The following APC variants were observed in gnomAD, a reference collection of about 807,000 sequenced individuals.
APC encodes adenomatous polyposis coli protein.
In APC, 72 loss-of-function variants were observed where a neutral mutation model predicts 247.0. The ratio of observed to expected loss-of-function variants is 0.29; its 90% CI spans 0.24 to 0.35. The LOEUF is 0.35. Ranked by LOEUF, APC falls within the 10% of genes least tolerant of loss-of-function variation. The pLI, the probability that APC is intolerant of heterozygous loss-of-function variation, is 1.00. For synonymous variants in APC, 1,254 were observed against 1,162.5 expected, an observed-to-expected ratio of 1.08 and a Z score of -1.60; for missense variants, 3,400 against 3,360.7, an observed-to-expected ratio of 1.01 and a Z score of -0.29.
chr5:112,718,492 C>A (rs1466149349), intron 1 of APC, among the ~76,000 whole-genome samples: 1 of 152,220 alleles, frequency 6.6e-6, no homozygotes, highest in Non-Finnish European at 1.5e-5. Flanking sequence ...ATGCTGTTTT[C>A]ACTGCAGTCC....
intron 8 of APC, among the ~76,000 whole-genome samples, chr5:112,809,257 T>G (rs395266): frequency 6.6e-6 from 1 of 151,132 alleles, no homozygotes; most frequent in Non-Finnish European, 1.5e-5. Context: ...ACTTGGGAGG[T>G]TGAGGTGGCT....
chr5:112,719,603 C>A (rs1334812299), intron 1 of APC, among the ~76,000 whole-genome samples: 1 of 149,160 alleles, frequency 6.7e-6, no homozygotes, highest in Non-Finnish European at 1.5e-5. Flanking sequence ...GGCGTGATCT[C>A]CACTCACTGC....
Position 112,839,289 on chromosome 5 carries a change from A to T in APC, c.3695A>T (p.His1232Leu), listed in dbSNP as rs1554085236. The change falls in exon 16 of 16, where the codon CAT (histidine) becomes CTT (leucine). Residue 1232 changes from histidine (H) to leucine (L), a missense_variant. Around this residue, in one of 9 missense-constraint regions of APC, gnomAD observed 715 missense variants for 656.6 expected, o/e 1.09. Transcript: ENST00000257430. The surrounding 1 kb of genome is among the most constrained non-coding windows in gnomAD (Gnocchi z 5.0). ...SSNAKRQNQLHPSSAQSRSGQ... is the reference protein window; with the variant it reads ...SSNAKRQNQLLPSSAQSRSGQ... The stretch of plus-strand genomic sequence containing the variant: ...AATGCCAAGAGGCAGAATCAGCTCC[A>T]TCCAAGTTCTGCACAGAGTAGAAGT... 2 of 1,614,170 alleles carry T rather than the reference A, an allele frequency of 1.2e-6. No individual in the cohort carries two copies. The highest frequency in any genetic ancestry group is 1.7e-6 in the Non-Finnish European group (2 of 1,180,040).
At chr5:112,769,070 TG>T (rs1489011850) in intron 4 of APC, among the ~76,000 whole-genome samples, 2 of 145,644 alleles carry the variant, frequency 1.4e-5, no homozygotes, top group African/African-American at 2.6e-5. Context: ...TTTTTTTTTT[TG>T]AGATAAGAGT....
At chr5:112,769,098 C>G in intron 4 of APC, among the ~76,000 whole-genome samples, 1 of 120,992 alleles carries the variant, frequency 8.3e-6, no homozygotes. Flanking sequence ...GTCGCCCAGG[C>G]TAGAGTGCAG....
intron 5 of APC, among the ~76,000 whole-genome samples, chr5:112,780,262 T>C (rs1188993240): frequency 6.6e-6 from 1 of 152,214 alleles, no homozygotes; most frequent in South Asian, 2.1e-4. Context: ...TATGATTATC[T>C]TTCTTACATG....
chr5:112,828,215 A>G (rs1580570784), intron 13 of APC, among the ~76,000 whole-genome samples: 1 of 151,868 alleles, frequency 6.6e-6, no homozygotes, highest in Non-Finnish European at 1.5e-5. Flanking sequence ...TGTATTTTTT[A>G]TAGAGACGGG....
Position 112,800,507 on chromosome 5 carries a change from A to G in APC, c.730-772A>G, listed in dbSNP as rs511906. The stretch of plus-strand genomic sequence containing the variant: ...AAATTACGTTAGGAATCATTTTGTA[A>G]TTTAATTATCCACTGTTAGGTCAGA... On this transcript the variant is annotated intron_variant, in intron 7 of 15. Transcript: ENST00000257430. Among the ~76,000 whole-genome samples the G allele has an allele frequency of 0.4, 60,090 of 152,022 alleles. 14,364 individuals are homozygous for G. Among genetic ancestry groups the G allele is most frequent in the East Asian group, 0.69 (3,555 of 5,172 alleles).
intron 9 of APC, among the ~76,000 whole-genome samples, chr5:112,818,668 G>A (rs1482125982): frequency 6.6e-6 from 1 of 152,032 alleles, no homozygotes; most frequent in East Asian, 1.9e-4. Context: ...ACTTATCTAG[G>A]CAAACAGCAC....
rs1762844018 is a variant in APC, at chr5:112,819,178, G to A, written c.1146G>A (p.Arg382=). Residue 382 remains arginine (R), a synonymous_variant, in exon 10 of 16, where the codon AGG becomes AGA. Coordinates refer to ENST00000257430, the MANE Select transcript of APC (RefSeq NM_000038.6). ...GGGGCAGTAAAGAGGCTCGGGCCAG[G>A]GCCAGTGCAGCACTCCACAACATCA... ...NSRGSKEARA[R]ASAALHNIIH... 2 of 1,613,984 alleles carry A rather than the reference G, an allele frequency of 1.2e-6. No individual in the cohort carries two copies. Among genetic ancestry groups the A allele is most frequent in the Non-Finnish European group, 1.7e-6 (2 of 1,179,984 alleles).
At chr5:112,729,530 T>G (rs187516942) in intron 1 of APC, among the ~76,000 whole-genome samples, 14 of 152,160 alleles carry the variant, frequency 9.2e-5, no homozygotes, top group African/African-American at 3.1e-4. Flanking sequence ...AAGAAAGAGG[T>G]AGGTGAGGAA....
In APC at chr5:112,827,264, T is replaced by C. The variant is rs367690523; in HGVS notation, c.1548+17T>C. On this transcript the variant is annotated intron_variant, in intron 12 of 15. Coordinates refer to ENST00000257430, the MANE Select transcript of APC (RefSeq NM_000038.6). The stretch of plus-strand genomic sequence containing the variant: ...GCCAACAAGGTATGTTTTTATAACA[T>C]GTATTTCTTAAGATAGCTCAGGTAT... 1.3e-4 allele frequency: 212 copies of C among 1,613,422 alleles called. No individual in the cohort carries two copies. Among genetic ancestry groups the C allele is most frequent in the Middle Eastern group, 1.6e-4 (1 of 6,072 alleles).
rs2149764536 is a variant in APC at position 112,815,628 on chromosome 5, C to T, written c.933+35C>T. The T allele has an allele frequency of 3.9e-6, 6 of 1,529,982 alleles. No individual in the cohort carries two copies. The highest frequency in any genetic ancestry group is 3.4e-4 in the Middle Eastern group (2 of 5,820). The allele number at this position is 1,529,982 out of a possible 1,614,324, so 94.8% of individuals were successfully genotyped here. The stretch of plus-strand genomic sequence containing the variant: ...GATTACAAACCCTGGTCACTAATGC[C>T]ATGACTACTTTGCTAAGACATTCTT... On this transcript the variant is annotated intron_variant, in intron 9 of 15. Transcript: ENST00000257430.
intron 1 of APC, chr5:112,707,923 G>T (rs1580997456): frequency 7.6e-7 from 1 of 1,320,310 alleles, no homozygotes; most frequent in Non-Finnish European, 9.9e-7. Flanking sequence ...TCCCGGCAAA[G>T]CTTCCTCGGC....
chr5:112,750,326 A>G (rs1409420018), intron 1 of APC, among the ~76,000 whole-genome samples: 1 of 152,082 alleles, frequency 6.6e-6, no homozygotes, highest in Non-Finnish European at 1.5e-5. Flanking sequence ...ACCACCAGAC[A>G]CCATACCTTG....
chr5:112,751,625 A>G (rs1204084198), intron 1 of APC, among the ~76,000 whole-genome samples: 1 of 151,930 alleles, frequency 6.6e-6, no homozygotes, highest in African/African-American at 2.4e-5. Context: ...TCTCTCCCCT[A>G]TAAATGAATG....
At position 112,808,205 on chromosome 5, in the gene APC, C is replaced by T. The variant is rs561289813; in HGVS notation, c.834+6822C>T. ...AATAACTGCAGTGGCATTATTACAT[C>T]TCCAAAGACTCTAACAGTAATTGTT... On this transcript the variant is annotated intron_variant, in intron 8 of 15. Transcript: ENST00000257430. 1.5e-3 allele frequency among the ~76,000 whole-genome samples: 226 copies of T among 152,226 alleles called. 7 individuals carry two copies. The South Asian group carries it at 0.046, about 31-fold the overall frequency.
At chr5:112,759,533 T>C (rs938648977) in intron 2 of APC, among the ~76,000 whole-genome samples, 2 of 151,890 alleles carry the variant, frequency 1.3e-5, no homozygotes, top group Non-Finnish European at 1.5e-5. Flanking sequence ...AATTTTTGTA[T>C]TTTTAGTAGA....
chr5:112,777,396 C>G (rs528960546), intron 5 of APC, among the ~76,000 whole-genome samples: 1 of 152,092 alleles, frequency 6.6e-6, no homozygotes, highest in African/African-American at 2.4e-5. Context: ...AAGCTGTTCT[C>G]TCATGCAGTG....
Sources: allele counts gnomAD v4.1 joint callset (sites outside exome capture counted in the v4.1 genomes callset), GRCh38; gene constraint gnomAD v4.1.1; regional missense constraint gnomAD v4.1.1; non-coding constraint Gnocchi (gnomAD v3.1); transcripts MANE v1.5; gene names NCBI Gene and HGNC (gene_info 2026-07-23, HGNC 2026-07-21).